KCMF1: variants seen among roughly 807,000 people sequenced by gnomAD.
The protein encoded by KCMF1 is E3 ubiquitin-protein ligase KCMF1.
In KCMF1, 3 loss-of-function variants were observed where a neutral mutation model predicts 41.1. The observed-to-expected ratio is 0.07, with a 90% confidence interval of 0.03 to 0.19. KCMF1 has a LOEUF of 0.19. Ranked by LOEUF, KCMF1 falls within the 10% of genes least tolerant of loss-of-function variation. KCMF1 has a pLI of 1.00. For synonymous variants in KCMF1, 142 were observed against 164.5 expected, an observed-to-expected ratio of 0.86 and a Z score of 1.04; for missense variants, 286 against 488.9, an observed-to-expected ratio of 0.58 and a Z score of 3.91.
At chr2:84,971,628 C>A (rs1311308059) in intron 1 of KCMF1, among the ~76,000 whole-genome samples, 161 bp downstream of exon 1, 1 of 150,718 alleles carries the variant, frequency 6.6e-6, no homozygotes, top group Non-Finnish European at 1.5e-5. Flanking sequence ...GGGCGGAGAG[C>A]CGCGGCGCCG....
intron 1 of KCMF1, among the ~76,000 whole-genome samples, chr2:84,997,149 C>T (rs1033518131): frequency 4.6e-5 from 7 of 152,166 alleles, no homozygotes; most frequent in African/African-American, 1.7e-4. Context: ...GTGACAACTA[C>T]TCAGTCATAG....
At chr2:85,049,745 T>C in intron 6 of KCMF1, 97 bp downstream of exon 6, 1 of 1,029,532 alleles carries the variant, frequency 9.7e-7, no homozygotes, top group Non-Finnish European at 1.4e-6. Flanking sequence ...TATATTTCTT[T>C]AAAATTTTGT....
chr2:84,999,865 CAAGGA>C (rs1674284933), intron 1 of KCMF1, among the ~76,000 whole-genome samples: 1 of 151,948 alleles, frequency 6.6e-6, no homozygotes, highest in Non-Finnish European at 1.5e-5. Context: ...TGACAGGAGA[CAAGGA>C]AGTGAGGAAA....
In KCMF1 at chr2:85,056,127, T is replaced by C. The variant is rs939969233; in HGVS notation, c.*2718T>C. ...CATTGTTTTGTTAAAAAAAAAAAAA[T>C]CCACAGAAGTAGAACCTAGGTTTGC... On this transcript the variant is annotated 3_prime_UTR_variant, in exon 7 of 7. Coordinates refer to ENST00000409785, the MANE Select transcript of KCMF1 (RefSeq NM_020122.5). 2.7e-5 allele frequency: 4 copies of C among 150,410 alleles called. No homozygotes were observed. Among genetic ancestry groups the C allele is most frequent in the African/African-American group, 9.8e-5 (4 of 40,784 alleles). The allele number at this position is 150,410 out of a possible 1,614,324, so 9.3% of individuals were successfully genotyped here.
At chr2:85,014,545 G>A (rs1046200005) in intron 1 of KCMF1, among the ~76,000 whole-genome samples, 8 of 151,484 alleles carry the variant, frequency 5.3e-5, no homozygotes, top group African/African-American at 1.9e-4. Context: ...CCTTAAAAGG[G>A]CTTTTCTTTT....
chr2:84,995,822 A>C (rs932403191), intron 1 of KCMF1, among the ~76,000 whole-genome samples: 3 of 152,236 alleles, frequency 2.0e-5, no homozygotes, highest in African/African-American at 7.2e-5. Flanking sequence ...TCTTATTCAC[A>C]TACTTTAAGT....
At chr2:85,010,989 G>A (rs915794818) in intron 1 of KCMF1, among the ~76,000 whole-genome samples, 5 of 151,982 alleles carry the variant, frequency 3.3e-5, no homozygotes, top group South Asian at 2.1e-4. Context: ...GACTATAGGC[G>A]CATGCCACCA....
chr2:85,013,958 C>T (rs567545798), intron 1 of KCMF1: 1 of 152,252 alleles, frequency 6.6e-6, no homozygotes, highest in Admixed American at 6.5e-5. Context: ...TGTTGCTGTG[C>T]ATATATTATT....
intron 1 of KCMF1, among the ~76,000 whole-genome samples, chr2:85,014,881 C>T (rs1013434853): frequency 1.3e-5 from 2 of 151,578 alleles, no homozygotes; most frequent in African/African-American, 4.9e-5. Context: ...CCACTAACCA[C>T]CCTATTGCAT....
intron 1 of KCMF1, among the ~76,000 whole-genome samples, chr2:84,998,663 C>T (rs1204750729): frequency 3.4e-5 from 5 of 148,102 alleles, no homozygotes; most frequent in East Asian, 2.1e-4. Context: ...TGCAGTGATA[C>T]GTGATCCCGG....
At chr2:85,006,332 G>A (rs1334386932) in intron 1 of KCMF1, among the ~76,000 whole-genome samples, 2 of 114,428 alleles carry the variant, frequency 1.7e-5, no homozygotes, top group African/African-American at 3.5e-5. Flanking sequence ...ATGGAGTCTC[G>A]CACTCTCACC....
rs770926095 is a variant in KCMF1 at position 85,043,530 on chromosome 2, A to G, written c.325-34A>G. On this transcript the variant is annotated intron_variant, in intron 3 of 6. Transcript: ENST00000409785. ...CCAGAAAGATGTCTTATTGACGTTC[A>G]TTTATTAAGCTGCTTTCTTTACTTC... 14 of 1,245,520 alleles carry G rather than the reference A, an allele frequency of 1.1e-5. No individual in the cohort carries two copies. In the East Asian group the frequency reaches 2.6e-4, roughly 23 times the overall value. The allele number at this position is 1,245,520 out of a possible 1,614,324, so 77.2% of individuals were successfully genotyped here. A position where few individuals can be genotyped will look rare whatever the true frequency, so the allele number is the denominator to read the frequency against.
chr2:85,051,895 C>T (rs1206717888), intron 6 of KCMF1, among the ~76,000 whole-genome samples: 1 of 152,194 alleles, frequency 6.6e-6, no homozygotes, highest in Non-Finnish European at 1.5e-5. Context: ...AGATCCTGCT[C>T]TCTGGTCACA....
intron 3 of KCMF1, among the ~76,000 whole-genome samples, chr2:85,040,352 T>C (rs1017664760): frequency 2.6e-5 from 4 of 152,138 alleles, no homozygotes; most frequent in Non-Finnish European, 4.4e-5. Context: ...AGTTTTCCTG[T>C]CCTGTAAGAG....
At chr2:85,002,066 T>C (rs7596812) in intron 1 of KCMF1, among the ~76,000 whole-genome samples, 2,684 of 152,306 alleles carry the variant, frequency 0.018, 64 homozygotes, top group African/African-American at 0.061. Flanking sequence ...CTAACCATGG[T>C]AGGCTTTGGC....
intron 1 of KCMF1, among the ~76,000 whole-genome samples, chr2:84,975,933 C>T (rs1303792186): frequency 6.6e-6 from 1 of 152,188 alleles, no homozygotes; most frequent in Non-Finnish European, 1.5e-5. Flanking sequence ...CGCCTTAAAT[C>T]ATTCAACCTT....
At chr2:84,987,098 A>G (rs907534704) in intron 1 of KCMF1, among the ~76,000 whole-genome samples, 2 of 152,192 alleles carry the variant, frequency 1.3e-5, no homozygotes, top group Non-Finnish European at 2.9e-5. Flanking sequence ...CACTGCATAA[A>G]TGTAAGGTGA....
rs1337682700 is a variant in KCMF1 at position 85,059,135 on chromosome 2, G to T, written c.*5726G>T. 6.6e-6 allele frequency: 1 copy of T among 152,074 alleles called. No homozygotes were observed. The highest frequency in any genetic ancestry group is 1.5e-5 in the Non-Finnish European group (1 of 68,000). 9.4% of individuals were successfully genotyped at this position (152,074 alleles called of 1,614,324 possible). On this transcript the variant is annotated 3_prime_UTR_variant, in exon 7 of 7. Coordinates refer to ENST00000409785, the MANE Select transcript of KCMF1 (RefSeq NM_020122.5). ...CATGAAAGCTATTCTGGCCAGCCTT[G>T]AATCCATTTAATTTTGCCCACGAGA...
In KCMF1 at chr2:85,034,253, T is replaced by G. The variant is rs181032016; in HGVS notation, c.185-763T>G. 1.8e-3 allele frequency among the ~76,000 whole-genome samples: 268 copies of G among 152,270 alleles called. 4 individuals are homozygous for G. The highest frequency in any genetic ancestry group is 5.1e-4 in the Non-Finnish European group (35 of 68,026). On this transcript the variant is annotated intron_variant, in intron 2 of 6. Coordinates refer to ENST00000409785, the MANE Select transcript of KCMF1 (RefSeq NM_020122.5). ...TACAAAAAATGAATGTTCAGGGTCC[T>G]TCCTGCTCTAAAAGCAGCATGTTCT...
Sources: allele counts gnomAD v4.1 joint callset (sites outside exome capture counted in the v4.1 genomes callset), GRCh38; gene constraint gnomAD v4.1.1; transcripts MANE v1.5; gene names NCBI Gene and HGNC (gene_info 2026-07-23, HGNC 2026-07-21).